NAT1: variants seen among roughly 807,000 people sequenced by gnomAD.
NAT1 encodes N-acetyltransferase 1, also known as arylamine N-acetyltransferase 1.
For missense variants in NAT1, 400 were observed against 339.2 expected (o/e 1.18, Z -1.41); for synonymous variants, 144 against 122.6 (o/e 1.17, Z -1.16).
upstream of NAT1, among the ~76,000 whole-genome samples, chr8:18,206,870 G>A (rs1030677740): frequency 6.6e-6 from 1 of 151,972 alleles, no homozygotes; most frequent in Non-Finnish European, 1.5e-5. Flanking sequence ...TAGCTCTTTT[G>A]TTTAATTAGA....
upstream of NAT1, among the ~76,000 whole-genome samples, chr8:18,206,752 A>G (rs28741075): frequency 0.017 from 2,589 of 152,188 alleles, 48 homozygotes; most frequent in South Asian, 0.055. Flanking sequence ...ATTTTCTCCC[A>G]TTCTGTAGGT....
chr8:18,222,248 G>C lies in NAT1; in HGVS notation c.201G>C (p.Trp67Cys), dbSNP rs200617057. 5.6e-6 allele frequency: 9 copies of C among 1,614,100 alleles called. No homozygotes were observed. The East Asian group carries it at 1.6e-4, about 28-fold the overall frequency. The change falls in exon 3 of 3, where the codon TGG becomes TGC. Residue 67 changes from tryptophan to cysteine, a missense_variant. Trp to Cys is a radical substitution (Grantham distance 215). Coordinates refer to ENST00000307719, the MANE Select transcript of NAT1 (RefSeq NM_000662.8). ...TTGTGAGAAGAAATCGGGGTGGATG[G>C]TGTCTCCAGGTCAATCATCTTCTGT... ...DQVVRRNRGG[W>C]CLQVNHLLYW...
At chr8:18,194,216 C>T (rs1034399942) in intron 2 of NAT1, among the ~76,000 whole-genome samples, 4 of 152,146 alleles carry the variant, frequency 2.6e-5, no homozygotes, top group African/African-American at 9.7e-5. Flanking sequence ...TATCACAAAA[C>T]GTGATTATTA....
Position 18,222,939 on chromosome 8 carries a change from C to G in NAT1, c.*19C>G. 1 of 1,519,528 alleles carries G rather than the reference C, an allele frequency of 6.6e-7. No individual in the cohort carries two copies. The allele number at this position is 1,519,528 out of a possible 1,614,324, so 94.1% of individuals were successfully genotyped here. ...TATTTAGAATAAGGAGTAAAACAAT[C>G]TTGTCTATTTGTCATCCAGCTCACC... On this transcript the variant is annotated 3_prime_UTR_variant, in exon 3 of 3. Transcript: ENST00000307719.
chr8:18,190,032 T>G (rs1026535171), intron 2 of NAT1, among the ~76,000 whole-genome samples: 3 of 152,156 alleles, frequency 2.0e-5, no homozygotes, highest in East Asian at 3.9e-4. Context: ...ACAAGGGATC[T>G]GTCCACCTTG....
chr8:18,170,909 C>CT (rs1802074463), intron 2 of NAT1, among the ~76,000 whole-genome samples: 1 of 148,652 alleles, frequency 6.7e-6, no homozygotes, highest in African/African-American at 2.5e-5. Context: ...TTTTTTCTTT[C>CT]TTTTTTCTCC....
intron 2 of NAT1, among the ~76,000 whole-genome samples, chr8:18,181,319 G>A (rs1802508144): frequency 6.6e-6 from 1 of 151,968 alleles, no homozygotes; most frequent in African/African-American, 2.4e-5. Context: ...TTGGCTATTG[G>A]CTGAGTACAG....
At chr8:18,185,179 A>G (rs1363155443) in intron 2 of NAT1, among the ~76,000 whole-genome samples, 1 of 152,172 alleles carries the variant, frequency 6.6e-6, no homozygotes, top group African/African-American at 2.4e-5. Context: ...ACTTCATAAA[A>G]GAAGTTAGGG....
At chr8:18,174,046 T>G (rs1802197871) in intron 2 of NAT1, among the ~76,000 whole-genome samples, 1 of 152,122 alleles carries the variant, frequency 6.6e-6, no homozygotes, top group Non-Finnish European at 1.5e-5. Flanking sequence ...GTCATCCTCC[T>G]TGTGAGGTTC....
At chr8:18,192,697 G>A (rs1589073471) in intron 2 of NAT1, among the ~76,000 whole-genome samples, 1 of 151,816 alleles carries the variant, frequency 6.6e-6, no homozygotes, top group East Asian at 1.9e-4. Context: ...GTAGGGACAT[G>A]GATGAAATTG....
chr8:18,209,034 A>G (rs1803861179), upstream of NAT1, among the ~76,000 whole-genome samples: 1 of 152,260 alleles, frequency 6.6e-6, no homozygotes, highest in Admixed American at 6.5e-5. Context: ...TTGGCAAGCT[A>G]CCTGTGAACA....
chr8:18,191,446 C>G (rs1802987569), intron 2 of NAT1, among the ~76,000 whole-genome samples: 1 of 152,104 alleles, frequency 6.6e-6, no homozygotes, highest in Admixed American at 6.6e-5. Context: ...AATGCCATCC[C>G]CATCAAGCTA....
At chr8:18,196,503 A>G (rs1432777442) in intron 2 of NAT1, among the ~76,000 whole-genome samples, 1 of 152,236 alleles carries the variant, frequency 6.6e-6, no homozygotes, top group Non-Finnish European at 1.5e-5. Flanking sequence ...GTACAAAAAG[A>G]GATGCTTTAT....
intron 2 of NAT1, among the ~76,000 whole-genome samples, chr8:18,176,150 C>T (rs920128917): frequency 2.6e-5 from 4 of 151,940 alleles, no homozygotes; most frequent in South Asian, 2.1e-4. Context: ...TCTCCCCATC[C>T]GTGGGTGGTC....
intron 2 of NAT1, among the ~76,000 whole-genome samples, chr8:18,182,239 G>A (rs562307576): frequency 1.3e-5 from 2 of 152,278 alleles, no homozygotes; most frequent in African/African-American, 2.4e-5. Flanking sequence ...CCTGTGGGGG[G>A]TGATTGACAG....
intron 1 of NAT1, among the ~76,000 whole-genome samples, chr8:18,214,167 A>C (rs541259773): frequency 6.6e-6 from 1 of 152,160 alleles, no homozygotes; most frequent in Admixed American, 6.5e-5. Context: ...CAAAAGCCAT[A>C]ACTCTCATAA....
intron 2 of NAT1, among the ~76,000 whole-genome samples, chr8:18,176,780 G>T (rs575018224): frequency 7.1e-4 from 108 of 151,726 alleles, no homozygotes; most frequent in Non-Finnish European, 1.4e-3. Flanking sequence ...AAAAGGAGTT[G>T]TATTGAGTCT....
intron 2 of NAT1, among the ~76,000 whole-genome samples, chr8:18,189,822 C>G (rs1165152878): frequency 6.6e-6 from 1 of 152,156 alleles, no homozygotes; most frequent in Non-Finnish European, 1.5e-5. Context: ...AAGAGTCTCA[C>G]TCTGTTACCC....
intron 1 of NAT1, among the ~76,000 whole-genome samples, chr8:18,212,967 C>T (rs1229791512): frequency 2.0e-5 from 3 of 151,454 alleles, no homozygotes; most frequent in Middle Eastern, 3.5e-3. Flanking sequence ...TGCAGTGGCA[C>T]GATCTCAGCT....
Sources: gnomAD v4.1 joint callset for allele counts (sites outside exome capture counted in the v4.1 genomes callset) on GRCh38, gnomAD v4.1.1 for gene constraint, MANE v1.5 for transcripts, NCBI Gene and HGNC (gene_info 2026-07-23, HGNC 2026-07-21) for gene names.